The following RELN variants were observed in gnomAD, a reference collection of about 807,000 sequenced individuals.
RELN encodes reelin.
In RELN, 108 loss-of-function variants were observed where a neutral mutation model predicts 427.6. The observed-to-expected ratio is 0.25, with a 90% CI of 0.22 to 0.30. RELN has a LOEUF of 0.30. RELN is among the 10% of genes least tolerant of loss of function. The pLI is 1.00. For missense variants in RELN, 3,715 were observed against 4,302.8 expected (o/e 0.86, Z 3.82); for synonymous variants, 1,524 against 1,513.4 (o/e 1.01, Z -0.16).
At chr7:103,859,812 T>C (rs974888524) in intron 2 of RELN, among the ~76,000 whole-genome samples, 18 of 152,058 alleles carry the variant, frequency 1.2e-4, no homozygotes, top group Non-Finnish European at 2.2e-4. Context: ...AAAATGTGAG[T>C]AAGTGGAGCA....
chr7:103,571,687 T>G (rs576917557), intron 31 of RELN, among the ~76,000 whole-genome samples: 17 of 152,338 alleles, frequency 1.1e-4, no homozygotes, highest in Non-Finnish European at 1.9e-4. Flanking sequence ...ACACGTGGGA[T>G]AGTGTCTTGC....
chr7:103,957,974 C>T (rs1563111284), intron 1 of RELN, among the ~76,000 whole-genome samples: 1 of 152,194 alleles, frequency 6.6e-6, no homozygotes, highest in Non-Finnish European at 1.5e-5. Flanking sequence ...TAATGTGCAG[C>T]TTCAGACTCA....
In RELN at chr7:103,562,002, C is replaced by T. The variant is rs749496127; in HGVS notation, c.5211-49G>A. ...AACACACCACTGGTTTGACAAGCAA[C>T]CTTGAAAGCACAAGGACATTTATTT... On this transcript the variant is annotated intron_variant, in intron 34 of 64. Transcript: ENST00000428762. 3.8e-6 allele frequency: 6 copies of T among 1,581,232 alleles called. No homozygotes were observed. The Admixed American group carries it at 1.1e-4, about 28-fold the overall frequency.
chr7:103,854,270 A>G (rs1470383547), intron 2 of RELN, among the ~76,000 whole-genome samples: 2 of 152,176 alleles, frequency 1.3e-5, no homozygotes, highest in Admixed American at 6.5e-5. Context: ...TTTAGTCACC[A>G]TTACTCATAA....
chr7:103,975,565 T>A (rs199661154), intron 1 of RELN, among the ~76,000 whole-genome samples: 3 of 74,874 alleles, frequency 4.0e-5, no homozygotes, highest in Non-Finnish European at 8.8e-5. Context: ...TTATTTATTT[T>A]GAGACGGAGT....
At chr7:103,502,980 G>T in intron 52 of RELN, 36 bp downstream of exon 52, 1 of 1,551,190 alleles carries the variant, frequency 6.4e-7, no homozygotes, top group Non-Finnish European at 8.9e-7. Context: ...CCTTCTGGAT[G>T]CTTGGAACCA....
rs1030981974 is a variant in RELN at position 103,565,421 on chromosome 7, G to T, written c.5067C>A (p.Asn1689Lys). 6.2e-6 allele frequency: 10 copies of T among 1,613,942 alleles called. No homozygotes were observed. Among genetic ancestry groups the T allele is most frequent in the Non-Finnish European group, 8.5e-6 (10 of 1,180,006 alleles). Residue 1689 changes from asparagine (N) to lysine (K), a missense_variant, in exon 34 of 65, where the codon AAC (asparagine) becomes AAA (lysine). Physicochemically the swap from Asn to Lys is moderately conservative, Grantham distance 94 (BLOSUM62 0). This residue lies in a region of RELN where 2,208 missense variants were observed against 2,361.7 expected (regional missense o/e 0.93). Coordinates refer to ENST00000428762, the MANE Select transcript of RELN (RefSeq NM_005045.4). ...TGACAAGATGCCAGTCCTTGCCATT[G>T]TTCAGAGAATACTGGAGCTGTACAC... is the stretch of plus-strand genomic sequence containing the variant. Reference protein sequence around the residue: ...SHSVQLQYSLNNGKDWHLVTE... With the variant: ...SHSVQLQYSLKNGKDWHLVTE...
chr7:103,958,413 A>C (rs956864587), intron 1 of RELN, among the ~76,000 whole-genome samples: 2 of 152,204 alleles, frequency 1.3e-5, no homozygotes, highest in African/African-American at 4.8e-5. Flanking sequence ...AAGAGAGTCC[A>C]TGTGTACTGT....
chr7:103,825,680 T>C (rs1303816435), intron 3 of RELN, among the ~76,000 whole-genome samples: 1 of 152,152 alleles, frequency 6.6e-6, no homozygotes, highest in Admixed American at 6.6e-5. Flanking sequence ...TCTGTAATAA[T>C]GGAAACGTTC....
chr7:103,965,157 A>T (rs1451510390), intron 1 of RELN, among the ~76,000 whole-genome samples: 1 of 152,258 alleles, frequency 6.6e-6, no homozygotes, highest in Non-Finnish European at 1.5e-5. Flanking sequence ...TTACTTGCAT[A>T]GACCTTAAGG....
intron 47 of RELN, 51 bp from the exon 48 acceptor site, chr7:103,522,250 C>A (rs991269533): frequency 7.0e-6 from 11 of 1,573,234 alleles, no homozygotes; most frequent in Admixed American, 1.7e-5. Flanking sequence ...AAAGCCCCTG[C>A]AAGCTTGTTC....
At chr7:103,585,606 G>T (rs1030229753) in intron 28 of RELN, among the ~76,000 whole-genome samples, 9 of 152,112 alleles carry the variant, frequency 5.9e-5, no homozygotes, top group Non-Finnish European at 1.0e-4. Flanking sequence ...GTACAAGATG[G>T]ATTCAGATAA....
chr7:103,697,078 A>ACAAATATTT (rs1833991814), intron 10 of RELN, among the ~76,000 whole-genome samples: 2 of 152,146 alleles, frequency 1.3e-5, no homozygotes, highest in Admixed American at 6.6e-5. Flanking sequence ...GGCTTAAACA[A>ACAAATATTT]CAAATATTTC....
intron 49 of RELN, 39 bp from the exon 50 acceptor site, chr7:103,515,480 C>T (rs1311736711): frequency 6.2e-7 from 1 of 1,602,652 alleles, no homozygotes; most frequent in Admixed American, 1.7e-5. Context: ...GGGAAGAACC[C>T]TTGTCAAATA....
chr7:103,782,877 G>A (rs1791927550), intron 3 of RELN, among the ~76,000 whole-genome samples: 1 of 152,070 alleles, frequency 6.6e-6, no homozygotes, highest in African/African-American at 2.4e-5. Flanking sequence ...GGGGTGGGTT[G>A]CTTTTTCTAT....
chr7:103,765,512 A>C (rs1184321982), intron 4 of RELN, among the ~76,000 whole-genome samples: 1 of 152,240 alleles, frequency 6.6e-6, no homozygotes, highest in Non-Finnish European at 1.5e-5. Context: ...TGATTATAAA[A>C]AATCTATATT....
chr7:103,736,024 C>T (rs1584448080), intron 6 of RELN, among the ~76,000 whole-genome samples: 1 of 152,112 alleles, frequency 6.6e-6, no homozygotes, highest in South Asian at 2.1e-4. Flanking sequence ...GTGTCTGCAC[C>T]CCCAGGTACG....
chr7:103,484,562 T>C (rs1052376617), intron 61 of RELN: 3 of 152,832 alleles, frequency 2.0e-5, no homozygotes, highest in African/African-American at 4.8e-5. Flanking sequence ...GTCTTACGAC[T>C]ACATCACTGT....
At chr7:103,522,665 C>T (rs971027789) in intron 47 of RELN, among the ~76,000 whole-genome samples, 2 of 152,132 alleles carry the variant, frequency 1.3e-5, no homozygotes, top group African/African-American at 4.8e-5. Flanking sequence ...GACTGACTTC[C>T]CTGTTTAGGG....
Sources: gnomAD v4.1 joint callset for allele counts (sites outside exome capture counted in the v4.1 genomes callset) on GRCh38, gnomAD v4.1.1 for gene constraint, gnomAD v4.1.1 regional missense constraint, MANE v1.5 for transcripts, NCBI Gene and HGNC (gene_info 2026-07-23, HGNC 2026-07-21) for gene names.